TMIGD3: variants seen among roughly 807,000 people sequenced by gnomAD.
TMIGD3 encodes the protein transmembrane and immunoglobulin domain containing 3, also known as AD026 protein (AD026).
Under a neutral mutation model 28.1 loss-of-function variants are expected in TMIGD3, and 21 were observed. The observed-to-expected ratio is 0.75, with a 90% CI of 0.53 to 1.08. TMIGD3 has a LOEUF of 1.08. Among genes scored for constraint, TMIGD3 ranks in the 50% least tolerant of loss-of-function variants. The pLI is 0.00. For synonymous variants in TMIGD3, 151 were observed against 162.1 expected, an observed-to-expected ratio of 0.93 and a Z score of 0.52; for missense variants, 416 against 435.6, an observed-to-expected ratio of 0.96 and a Z score of 0.40.
intron 1 of TMIGD3, among the ~76,000 whole-genome samples, chr1:111,513,853 G>A (rs1257735701): frequency 6.6e-6 from 1 of 152,144 alleles, no homozygotes; most frequent in Non-Finnish European, 1.5e-5. Flanking sequence ...TGGAACAAAT[G>A]ACCAACGTGA....
upstream of TMIGD3, chr1:111,504,061 G>A (rs1046848417): frequency 4.1e-6 from 4 of 985,336 alleles, no homozygotes; most frequent in African/African-American, 3.5e-5. Context: ...TTCCTGCTAA[G>A]TTCTTGCACG....
At chr1:111,516,044 T>A (rs1655854309) in intron 1 of TMIGD3, among the ~76,000 whole-genome samples, 1 of 152,250 alleles carries the variant, frequency 6.6e-6, no homozygotes, top group Admixed American at 6.5e-5. Flanking sequence ...CTGGGCGTCC[T>A]CTGCACAACC....
intron 5 of TMIGD3, 21 bp from the exon 6 acceptor site, chr1:111,483,778 G>A (rs1352319783): frequency 1.9e-6 from 3 of 1,605,392 alleles, no homozygotes; most frequent in Admixed American, 3.3e-5. Context: ...GAATAGAAAG[G>A]GAAAATGGAG....
At chr1:111,553,406 T>A (rs990793400) in intron 1 of TMIGD3, among the ~76,000 whole-genome samples, 1 of 152,216 alleles carries the variant, frequency 6.6e-6, no homozygotes. Flanking sequence ...GCTGCCACTA[T>A]GCTATGATTA....
At chr1:111,516,110 C>A (rs866708683) in intron 1 of TMIGD3, among the ~76,000 whole-genome samples, 2 of 152,246 alleles carry the variant, frequency 1.3e-5, no homozygotes, top group African/African-American at 4.8e-5. Flanking sequence ...GCCCTCAGCA[C>A]CCCTGTTGGC....
At chr1:111,489,795 A>T in intron 2 of TMIGD3, 3 of 983,294 alleles carry the variant, frequency 3.1e-6, no homozygotes, top group Non-Finnish European at 3.7e-6. Context: ...TTTAGGGGAT[A>T]AGAACTTCAT....
chr1:111,514,221 A>T (rs933178734), intron 1 of TMIGD3, among the ~76,000 whole-genome samples: 34 of 152,196 alleles, frequency 2.2e-4, no homozygotes, highest in African/African-American at 7.5e-4. Flanking sequence ...ATGATGACAA[A>T]GGCCCAAAGA....
At chr1:111,533,264 A>G (rs922184565) in intron 1 of TMIGD3, among the ~76,000 whole-genome samples, 2 of 152,218 alleles carry the variant, frequency 1.3e-5, no homozygotes, top group African/African-American at 4.8e-5. Context: ...TTAAATATCC[A>G]AATTCCTCAC....
At chr1:111,562,409 T>C (rs1005116186) in intron 1 of TMIGD3, among the ~76,000 whole-genome samples, 7 of 152,214 alleles carry the variant, frequency 4.6e-5, no homozygotes, top group African/African-American at 1.7e-4. Context: ...TCTGTGTGGT[T>C]AAATTAAACA....
chr1:111,561,860 C>G (rs1398839293), intron 1 of TMIGD3, among the ~76,000 whole-genome samples: 1 of 152,084 alleles, frequency 6.6e-6, no homozygotes, highest in Non-Finnish European at 1.5e-5. Flanking sequence ...AGTCCTAACT[C>G]AGGGCCAAGC....
intron 1 of TMIGD3, among the ~76,000 whole-genome samples, chr1:111,497,361 C>T (rs1163631979): frequency 2.0e-5 from 3 of 152,152 alleles, no homozygotes; most frequent in African/African-American, 7.2e-5. Flanking sequence ...CCGCCCACCT[C>T]GGCCTCCCAA....
intron 1 of TMIGD3, among the ~76,000 whole-genome samples, chr1:111,524,972 T>C (rs1273441199): frequency 6.6e-6 from 1 of 152,260 alleles, no homozygotes; most frequent in East Asian, 1.9e-4. Flanking sequence ...TAAAAATGTG[T>C]TAATTTCTAA....
In TMIGD3 at chr1:111,489,814, C is replaced by T. The variant is rs555120803; in HGVS notation, c.458-790G>A. 1.7e-3 allele frequency: 1,527 copies of T among 924,442 alleles called. 2 individuals are homozygous for T. Among genetic ancestry groups the T allele is most frequent in the Non-Finnish European group, 1.9e-3 (1,429 of 768,358 alleles). The allele number at this position is 924,442 out of a possible 1,614,324, so 57.3% of individuals were successfully genotyped here. A position where few individuals can be genotyped will look rare whatever the true frequency, so the allele number is the denominator to read the frequency against. On this transcript the variant is annotated intron_variant, in intron 2 of 5. Coordinates refer to ENST00000369716, the MANE Select transcript of TMIGD3 (RefSeq NM_020683.7). Reference sequence around the variant, plus strand: ...GGGGATAAGAACTTCATGTTCCCTCCGTACAAGACCAGCATAGGCACCTCT... The same window carrying T: ...GGGGATAAGAACTTCATGTTCCCTCTGTACAAGACCAGCATAGGCACCTCT...
intron 1 of TMIGD3, among the ~76,000 whole-genome samples, chr1:111,527,660 A>G (rs1488091807): frequency 2.6e-5 from 4 of 152,192 alleles, no homozygotes; most frequent in African/African-American, 9.7e-5. Flanking sequence ...TATCCTTACC[A>G]GCATTTAGTG....
At chr1:111,507,035 GTGTGTATATATATATATA>G (rs1251676676), upstream of TMIGD3, among the ~76,000 whole-genome samples, 2 of 53,756 alleles carry the variant, frequency 3.7e-5, no homozygotes, top group African/African-American at 1.1e-4. Flanking sequence ...GTGTGTGTGT[GTGTGTATATATATATATA>G]TATATATGTT....
At chr1:111,563,940 G>A in exon 1 of TMIGD3, 1 of 1,613,542 alleles carries the variant, frequency 6.2e-7, no homozygotes, top group Non-Finnish European at 8.5e-7. Flanking sequence ...GGTCCTGCTG[G>A]AGACCCTTCC....
intron 1 of TMIGD3, chr1:111,500,683 G>T: frequency 1.1e-6 from 1 of 928,650 alleles, no homozygotes; most frequent in Non-Finnish European, 1.6e-6. Flanking sequence ...CCAATCTTCT[G>T]CTAAGAGAGG....
At position 111,485,725 on chromosome 1, in the gene TMIGD3, A is replaced by AAAAAAAAAAAAAAAAC; in HGVS notation, c.973+14_973+15insGTTTTTTTTTTTTTTT. 7.0e-7 allele frequency: 1 copy of AAAAAAAAAAAAAAAAC among 1,419,108 alleles called. No homozygotes were observed. Among genetic ancestry groups the AAAAAAAAAAAAAAAAC allele is most frequent in the Non-Finnish European group, 9.8e-7 (1 of 1,022,712 alleles). The allele number at this position is 1,419,108 out of a possible 1,614,324, so 87.9% of individuals were successfully genotyped here. On this transcript the variant is annotated intron_variant, in intron 5 of 5. Transcript: ENST00000369716. ...TAATTCTTGCCCACCCCCTCCCTCA[A>AAAAAAAAAAAAAAAAC]CAATAGCTACTTACCCCTTCTATTC... is the stretch of plus-strand genomic sequence containing the variant.
At chr1:111,484,513 G>T (rs750302850) in intron 5 of TMIGD3, among the ~76,000 whole-genome samples, 16 of 152,204 alleles carry the variant, frequency 1.1e-4, no homozygotes, top group Admixed American at 2.6e-4. Context: ...GAAAGCCATT[G>T]TCTTGTCCAC....
Sources: allele counts gnomAD v4.1 joint callset (sites outside exome capture counted in the v4.1 genomes callset), GRCh38; gene constraint gnomAD v4.1.1; transcripts MANE v1.5; gene names NCBI Gene and HGNC (gene_info 2026-07-23, HGNC 2026-07-21).